NR1H4: variants seen among roughly 807,000 people sequenced by gnomAD.
The protein encoded by NR1H4 is nuclear receptor subfamily 1 group H member 4.
A neutral mutation model predicts 58.5 loss-of-function variants in NR1H4; 23 were observed. The ratio of observed to expected loss-of-function variants is 0.39; its 90% CI spans 0.28 to 0.56. NR1H4 has a LOEUF of 0.56. Ranked by LOEUF, NR1H4 falls within the 20% of genes least tolerant of loss-of-function variation. NR1H4 has a pLI of 0.58. For missense variants in NR1H4, 487 were observed against 576.9 expected, an observed-to-expected ratio of 0.84 and a Z score of 1.60; for synonymous variants, 214 against 198.0, an observed-to-expected ratio of 1.08 and a Z score of -0.68.
chr12:100,515,556 A>G (rs1954243776), intron 4 of NR1H4, among the ~76,000 whole-genome samples: 1 of 152,188 alleles, frequency 6.6e-6, no homozygotes, highest in Non-Finnish European at 1.5e-5. Flanking sequence ...GAATATCAGT[A>G]TAAGATGATC....
intron 1 of NR1H4, among the ~76,000 whole-genome samples, chr12:100,474,866 A>T (rs930212296): frequency 2.6e-5 from 4 of 152,204 alleles, no homozygotes; most frequent in Non-Finnish European, 4.4e-5. Flanking sequence ...GCTTTGAGCT[A>T]TAAAGAAATC....
At chr12:100,538,379 G>A (rs1954860128) in intron 8 of NR1H4, among the ~76,000 whole-genome samples, 1 of 152,132 alleles carries the variant, frequency 6.6e-6, no homozygotes, top group South Asian at 2.1e-4. Flanking sequence ...CAGTGGGGAA[G>A]AGAAGAAGAA....
chr12:100,562,991 T>C (rs898556674), intron 10 of NR1H4, among the ~76,000 whole-genome samples: 3 of 152,218 alleles, frequency 2.0e-5, no homozygotes, highest in African/African-American at 7.2e-5. Context: ...GATGCTCACG[T>C]CCACCCTACA....
At chr12:100,503,402 T>G (rs1953880661) in intron 3 of NR1H4, 1 of 1,597,290 alleles carries the variant, frequency 6.3e-7, no homozygotes, top group African/African-American at 1.3e-5. Context: ...TAATGCAGTT[T>G]CAGGGGTTAG....
At chr12:100,485,093 T>C (rs1953462547) in intron 1 of NR1H4, among the ~76,000 whole-genome samples, 1 of 152,212 alleles carries the variant, frequency 6.6e-6, no homozygotes, top group Non-Finnish European at 1.5e-5. Context: ...ACAGGTATTA[T>C]AGAAACTCCC....
At chr12:100,524,062 C>T (rs1039181215) in intron 4 of NR1H4, among the ~76,000 whole-genome samples, 1 of 151,988 alleles carries the variant, frequency 6.6e-6, no homozygotes, top group African/African-American at 2.4e-5. Context: ...TGACATTTCA[C>T]ATAAACATAT....
chr12:100,548,579 C>T (rs1955134525), intron 9 of NR1H4, among the ~76,000 whole-genome samples: 1 of 152,090 alleles, frequency 6.6e-6, no homozygotes, highest in Non-Finnish European at 1.5e-5. Flanking sequence ...TTTCATTTGA[C>T]TCTGCCTGTA....
intron 9 of NR1H4, among the ~76,000 whole-genome samples, chr12:100,547,685 G>A (rs1955102902): frequency 6.6e-6 from 1 of 151,148 alleles, no homozygotes; most frequent in Non-Finnish European, 1.5e-5. Flanking sequence ...TCCAACAGAA[G>A]CAATTGTCTT....
chr12:100,503,572 A>G (rs1953887810), intron 3 of NR1H4: 2 of 1,392,012 alleles, frequency 1.4e-6, no homozygotes, highest in African/African-American at 1.4e-5. Context: ...CTTTGGTTGG[A>G]GATGACAGTA....
chr12:100,513,637 G>C (rs1458232785), intron 4 of NR1H4, among the ~76,000 whole-genome samples: 1 of 151,936 alleles, frequency 6.6e-6, no homozygotes, highest in African/African-American at 2.4e-5. Flanking sequence ...TCTACTAAAA[G>C]TACAAAAATT....
intron 4 of NR1H4, among the ~76,000 whole-genome samples, chr12:100,512,457 G>T (rs559294101): frequency 6.6e-6 from 1 of 152,112 alleles, no homozygotes; most frequent in African/African-American, 2.4e-5. Flanking sequence ...TGACTAACAC[G>T]GTGAAACCCC....
intron 1 of NR1H4, among the ~76,000 whole-genome samples, chr12:100,488,227 C>T (rs902934927): frequency 6.6e-5 from 10 of 151,320 alleles, no homozygotes; most frequent in South Asian, 2.1e-4. Flanking sequence ...CTTGAACTCC[C>T]GACCTCAAGT....
chr12:100,512,820 C>T (rs941877307), intron 4 of NR1H4, among the ~76,000 whole-genome samples: 4 of 152,138 alleles, frequency 2.6e-5, no homozygotes, highest in South Asian at 2.1e-4. Flanking sequence ...CAGAATCTTT[C>T]GGATGGTGTG....
chr12:100,528,967 G>T (rs945601479), intron 4 of NR1H4, among the ~76,000 whole-genome samples: 3 of 152,136 alleles, frequency 2.0e-5, no homozygotes, highest in Non-Finnish European at 4.4e-5. Context: ...GGCTCAAGTG[G>T]ACATTGAGGT....
rs762577271 is a variant in NR1H4, at chr12:100,563,734, TA to T, written c.*248del. ...AATTGGCAAGCCCTGTTTGCCTAAT[TA>T]AATTGATTGTTACTTCAATTCTATC... On this transcript the variant is annotated 3_prime_UTR_variant, in exon 11 of 11. Transcript: ENST00000392986. 183 of 496,200 alleles carry T rather than the reference TA, an allele frequency of 3.7e-4. No individual in the cohort carries two copies. Among genetic ancestry groups the T allele is most frequent in the Non-Finnish European group, 5.3e-5 (15 of 280,934 alleles). 30.7% of individuals were successfully genotyped at this position (496,200 alleles called of 1,614,324 possible).
At chr12:100,544,648 T>C (rs1955017586) in intron 9 of NR1H4, among the ~76,000 whole-genome samples, 1 of 152,162 alleles carries the variant, frequency 6.6e-6, no homozygotes, top group Admixed American at 6.5e-5. Flanking sequence ...ACCTAGCACA[T>C]GCCTGGCTTG....
chr12:100,474,382 A>G (rs536543777), intron 1 of NR1H4, among the ~76,000 whole-genome samples: 13 of 152,348 alleles, frequency 8.5e-5, no homozygotes, highest in African/African-American at 2.9e-4. Flanking sequence ...TCCATAAACA[A>G]TTTGACTTGT....
At position 100,532,539 on chromosome 12, in the gene NR1H4, G is replaced by A. The variant is rs1165446624; in HGVS notation, c.527G>A (p.Arg176Gln). Residue 176 changes from arginine (R) to glutamine (Q), a missense_variant, in exon 5 of 11, where the codon CGA (arginine) becomes CAA (glutamine). By Grantham distance (43) the Arg-to-Gln change is conservative. Coordinates refer to ENST00000392986, the MANE Select transcript of NR1H4 (RefSeq NM_001206979.2). ...GGNCVMDMYM[R>Q]RKCQECRLRK... Reference sequence around the variant, plus strand: ...AACTGTGTGATGGATATGTACATGCGAAGAAAGTGTCAAGAGTGTCGACTA... The same window carrying A: ...AACTGTGTGATGGATATGTACATGCAAAGAAAGTGTCAAGAGTGTCGACTA... 9 of 1,613,978 alleles carry A rather than the reference G, an allele frequency of 5.6e-6. No homozygotes were observed. The highest frequency in any genetic ancestry group is 1.3e-5 in the African/African-American group (1 of 74,910).
At chr12:100,556,408 G>A (rs538106230) in intron 9 of NR1H4, among the ~76,000 whole-genome samples, 5 of 151,486 alleles carry the variant, frequency 3.3e-5, no homozygotes, top group South Asian at 2.1e-4. Flanking sequence ...CGGAGTTTGC[G>A]GTGAGCCTAG....
Sources: allele counts gnomAD v4.1 joint callset (sites outside exome capture counted in the v4.1 genomes callset), GRCh38; gene constraint gnomAD v4.1.1; transcripts MANE v1.5; gene names NCBI Gene and HGNC (gene_info 2026-07-23, HGNC 2026-07-21).